INSC: variants seen among roughly 807,000 people sequenced by gnomAD.
The protein encoded by INSC is protein inscuteable homolog.
INSC carries 67 observed loss-of-function variants against 58.6 expected under a neutral mutation model. That is an observed-to-expected ratio of 1.14 (90% CI 0.94 to 1.40). The LOEUF (loss-of-function observed/expected upper bound fraction) is 1.40, where lower values mean the gene tolerates loss of function less well. Ranked by LOEUF, INSC falls within the 40% of genes most tolerant of loss-of-function variation. The pLI, the probability that INSC is intolerant of heterozygous loss-of-function variation, is 0.00. For missense variants in INSC, 714 were observed against 692.0 expected (o/e 1.03, Z -0.36); for synonymous variants, 262 against 276.1 (o/e 0.95, Z 0.51).
At chr11:15,192,417 G>C (rs11023466) in intron 6 of INSC, among the ~76,000 whole-genome samples, 51,542 of 152,120 alleles carry the variant, frequency 0.34, 9,245 homozygotes, top group African/African-American at 0.42. Context: ...TTCCAGACAC[G>C]CTCCCACCTG....
At chr11:15,217,474 A>G (rs1851263929) in intron 7 of INSC, among the ~76,000 whole-genome samples, 1 of 152,164 alleles carries the variant, frequency 6.6e-6, no homozygotes, top group Non-Finnish European at 1.5e-5. Context: ...GCCTAAATCT[A>G]ATGTCTGTGC....
intron 11 of INSC, among the ~76,000 whole-genome samples, chr11:15,240,014 G>A (rs576963130): frequency 1.3e-5 from 2 of 152,024 alleles, no homozygotes; most frequent in Non-Finnish European, 2.9e-5. Context: ...GTATAATGAG[G>A]GTGTCTTTTT....
At chr11:15,144,036 C>T (rs1335252934) in intron 1 of INSC, among the ~76,000 whole-genome samples, 1 of 152,198 alleles carries the variant, frequency 6.6e-6, no homozygotes, top group Non-Finnish European at 1.5e-5. Flanking sequence ...AATCCTAGAT[C>T]ATGTGCTTCT....
chr11:15,127,994 C>CAA (rs563594829), intron 1 of INSC, among the ~76,000 whole-genome samples: 1 of 137,316 alleles, frequency 7.3e-6, no homozygotes, highest in African/African-American at 2.7e-5. Context: ...GACTCCATCT[C>CAA]AAAAAAAAAA....
At chr11:15,201,877 A>G (rs1354539104) in intron 7 of INSC, among the ~76,000 whole-genome samples, 2 of 152,152 alleles carry the variant, frequency 1.3e-5, no homozygotes, top group African/African-American at 4.8e-5. Context: ...CTCTGCATCC[A>G]TGTCCCACAG....
At chr11:15,132,795 T>C (rs1848153980) in intron 1 of INSC, among the ~76,000 whole-genome samples, 1 of 152,226 alleles carries the variant, frequency 6.6e-6, no homozygotes, top group Non-Finnish European at 1.5e-5. Context: ...ATAATTTCTA[T>C]GGATATGGAA....
downstream of INSC, among the ~76,000 whole-genome samples, chr11:15,249,021 C>T (rs543005122): frequency 6.6e-6 from 1 of 152,172 alleles, no homozygotes; most frequent in Non-Finnish European, 1.5e-5. Context: ...CCGGTGGGAG[C>T]CATAAGGACT....
intron 2 of INSC, among the ~76,000 whole-genome samples, chr11:15,163,818 T>C (rs558630556): frequency 6.6e-6 from 1 of 152,312 alleles, no homozygotes; most frequent in African/African-American, 2.4e-5. Flanking sequence ...GGTCTCGATC[T>C]CCTGACCTCA....
intron 2 of INSC, among the ~76,000 whole-genome samples, chr11:15,173,055 A>G (rs908954499): frequency 7.9e-5 from 12 of 152,222 alleles, no homozygotes; most frequent in Non-Finnish European, 1.5e-4. Flanking sequence ...TTCAGAACAT[A>G]TGAATGAGAG....
chr11:15,228,528 G>A (rs1851727256), intron 9 of INSC, among the ~76,000 whole-genome samples: 1 of 152,208 alleles, frequency 6.6e-6, no homozygotes, highest in African/African-American at 2.4e-5. Context: ...ACCCATTAAA[G>A]AAACAAATGG....
chr11:15,188,399 A>AGAGGG, intron 5 of INSC: 7 of 979,392 alleles, frequency 7.1e-6, no homozygotes, highest in Non-Finnish European at 8.5e-6. Flanking sequence ...TGTCAAATTC[A>AGAGGG]GAGGGGTCAG....
chr11:15,120,694 G>C (rs1027764351), intron 1 of INSC, among the ~76,000 whole-genome samples: 2 of 152,212 alleles, frequency 1.3e-5, no homozygotes, highest in African/African-American at 4.8e-5. Flanking sequence ...CTGGATTGCT[G>C]TCCTGAGATG....
chr11:15,170,161 T>C lies in INSC; in HGVS notation c.57-5580T>C, dbSNP rs558788620. Among the ~76,000 whole-genome samples the C allele has an allele frequency of 2.0e-5, 3 of 152,356 alleles. No homozygotes were observed. The South Asian group carries it at 6.2e-4, about 32-fold the overall frequency. Reference sequence around the variant, plus strand: ...TTTTTTGTGTGTGACATTTTTATTATCATATTGTTATTTTTTGTTTTTTTG... The same window carrying C: ...TTTTTTGTGTGTGACATTTTTATTACCATATTGTTATTTTTTGTTTTTTTG... On this transcript the variant is annotated intron_variant, in intron 2 of 12. Coordinates refer to ENST00000379556, the MANE Select transcript of INSC (RefSeq NM_001042536.3).
Position 15,190,759 on chromosome 11 carries a change from G to C in INSC, c.638G>C (p.Gly213Ala). ...ATCTACACCACAGAGTCCACCACAG[G>C]GAACCTGTTCAGCCTGACCCAGGAG... ...DNIYTTESTT[G>A]NLFSLTQEGA... The change falls in exon 6 of 13, where the codon GGG becomes GCG. Residue 213 changes from glycine (G) to alanine (A), a missense_variant. By Grantham distance (60) the Gly-to-Ala change is moderately conservative (BLOSUM62 0). Coordinates refer to ENST00000379556, the MANE Select transcript of INSC (RefSeq NM_001042536.3). 2 of 1,613,952 alleles carry C rather than the reference G, an allele frequency of 1.2e-6. No individual in the cohort carries two copies. The highest frequency in any genetic ancestry group is 1.7e-6 in the Non-Finnish European group (2 of 1,179,846).
At chr11:15,143,337 T>C (rs1280474427) in intron 1 of INSC, among the ~76,000 whole-genome samples, 3 of 152,204 alleles carry the variant, frequency 2.0e-5, no homozygotes, top group Non-Finnish European at 4.4e-5. Flanking sequence ...GTGGCATTTG[T>C]TCTGAGCTCT....
At chr11:15,249,905 T>C (rs1226341622), downstream of INSC, among the ~76,000 whole-genome samples, 1 of 152,186 alleles carries the variant, frequency 6.6e-6, no homozygotes, top group East Asian at 1.9e-4. Flanking sequence ...TCCTCACTGG[T>C]CAGGTGCAGC....
chr11:15,231,643 T>C (rs1247883371), intron 9 of INSC, among the ~76,000 whole-genome samples: 2 of 152,258 alleles, frequency 1.3e-5, no homozygotes, highest in African/African-American at 4.8e-5. Context: ...AATTAAAGAA[T>C]AATTCTAATT....
chr11:15,267,652 A>G, the INSC span, among the ~76,000 whole-genome samples: 1 of 151,672 alleles, frequency 6.6e-6, no homozygotes, highest in African/African-American at 2.4e-5. Flanking sequence ...AACATACTCT[A>G]CCTTCTTGAA....
chr11:15,237,450 T>C (rs565391773), intron 10 of INSC, among the ~76,000 whole-genome samples: 1 of 152,344 alleles, frequency 6.6e-6, no homozygotes, highest in South Asian at 2.1e-4. Flanking sequence ...CGTTAGAAGA[T>C]TGTCTGGCAC....
Sources: gnomAD v4.1 joint callset for allele counts (sites outside exome capture counted in the v4.1 genomes callset) on GRCh38, gnomAD v4.1.1 for gene constraint, MANE v1.5 for transcripts, NCBI Gene and HGNC (gene_info 2026-07-23, HGNC 2026-07-21) for gene names.